SBF2: variants seen among roughly 807,000 people sequenced by gnomAD.
SBF2 encodes the protein myotubularin-related protein 13.
In SBF2, 112 loss-of-function variants were observed where a neutral mutation model predicts 225.2. The observed-to-expected ratio is 0.50, with a 90% CI of 0.43 to 0.58. SBF2 has a LOEUF of 0.58. Among genes scored for constraint, SBF2 ranks in the 20% least tolerant of loss-of-function variants. The pLI is 0.00. For missense variants in SBF2, 1,996 were observed against 2,206.2 expected (o/e 0.90, Z 1.91); for synonymous variants, 763 against 773.3 (o/e 0.99, Z 0.22).
chr11:10,136,148 C>A (rs1346634438), intron 2 of SBF2, among the ~76,000 whole-genome samples: 1 of 152,150 alleles, frequency 6.6e-6, no homozygotes, highest in Non-Finnish European at 1.5e-5. Flanking sequence ...CATCAGATCT[C>A]ATGAGACTTA....
chr11:9,981,382 G>A (rs974832657), intron 13 of SBF2, among the ~76,000 whole-genome samples: 1 of 152,140 alleles, frequency 6.6e-6, no homozygotes, highest in East Asian at 1.9e-4. Context: ...GGCATCAATC[G>A]TACCCTAAAC....
intron 2 of SBF2, among the ~76,000 whole-genome samples, chr11:10,171,996 T>C (rs1956212589): frequency 6.6e-6 from 1 of 152,202 alleles, no homozygotes; most frequent in South Asian, 2.1e-4. Context: ...TAACGTCTTC[T>C]TTTTAATCTC....
intron 2 of SBF2, among the ~76,000 whole-genome samples, chr11:10,174,199 G>A (rs907902840): frequency 4.6e-5 from 7 of 152,180 alleles, no homozygotes; most frequent in Admixed American, 2.6e-4. Context: ...GGCTTCAGAC[G>A]ATCAAAGTAC....
At chr11:10,096,669 G>A (rs979232920) in intron 2 of SBF2, among the ~76,000 whole-genome samples, 1 of 151,986 alleles carries the variant, frequency 6.6e-6, no homozygotes, top group South Asian at 2.1e-4. Context: ...TCATACAAGC[G>A]GTGTCTTTTA....
chr11:10,088,367 A>G (rs751776533), intron 2 of SBF2, among the ~76,000 whole-genome samples: 1 of 152,202 alleles, frequency 6.6e-6, no homozygotes, highest in African/African-American at 2.4e-5. Context: ...AGATGTGGCC[A>G]TTCCACAGAA....
intron 3 of SBF2, among the ~76,000 whole-genome samples, chr11:10,032,133 CA>C (rs995258277): frequency 8.5e-5 from 13 of 152,196 alleles, no homozygotes; most frequent in Non-Finnish European, 1.6e-4. Context: ...AAATCTTATA[CA>C]TATATATTTT....
rs1322323559 is a variant in SBF2 at position 10,181,530 on chromosome 11, A to G, written c.141+12372T>C. ...AAAGTATCTTTAAGAGTTAGCCAGA[A>G]TTAACTGTTTAAAAAAGTACATTTT... On this transcript the variant is annotated intron_variant, in intron 2 of 39. Coordinates refer to ENST00000256190, the MANE Select transcript of SBF2 (RefSeq NM_030962.4). Among the ~76,000 whole-genome samples the G allele has an allele frequency of 2.6e-5, 4 of 152,254 alleles. No individual in the cohort carries two copies. In the East Asian group the frequency reaches 5.8e-4, roughly 22 times the overall value.
chr11:10,219,747 A>G (rs891757019), intron 1 of SBF2, among the ~76,000 whole-genome samples: 1 of 152,204 alleles, frequency 6.6e-6, no homozygotes, highest in African/African-American at 2.4e-5. Flanking sequence ...AAATGCTGCC[A>G]GTCTCTTTGC....
intron 2 of SBF2, among the ~76,000 whole-genome samples, chr11:10,098,019 A>G (rs910114918): frequency 2.0e-5 from 3 of 152,112 alleles, no homozygotes; most frequent in African/African-American, 7.2e-5. Context: ...GGTTTCTGCT[A>G]AATGCCTCCC....
intron 16 of SBF2, chr11:9,960,445 T>C (rs972620108): frequency 1.3e-5 from 2 of 152,184 alleles, no homozygotes; most frequent in Non-Finnish European, 2.9e-5. Flanking sequence ...ATGATTCTTG[T>C]GTGTGGTGGG....
Position 9,788,998 on chromosome 11 carries a change from C to T in SBF2, c.4932+111G>A, listed in dbSNP as rs1590087021. Reference sequence around the variant, plus strand: ...AATCTGGTTTCTTCATAACCATAACCCTAGCTCAGAGTAAGGAGAGCCATG... The same window carrying T: ...AATCTGGTTTCTTCATAACCATAACTCTAGCTCAGAGTAAGGAGAGCCATG... On this transcript the variant is annotated intron_variant, in intron 35 of 39. Coordinates refer to ENST00000256190, the MANE Select transcript of SBF2 (RefSeq NM_030962.4). 3 of 895,884 alleles carry T rather than the reference C, an allele frequency of 3.3e-6. No individual in the cohort carries two copies. In the East Asian group the frequency reaches 7.6e-5, roughly 23 times the overall value. 55.5% of individuals were successfully genotyped at this position (895,884 alleles called of 1,614,324 possible).
intron 1 of SBF2, among the ~76,000 whole-genome samples, chr11:10,230,191 A>T (rs1480580816): frequency 6.6e-6 from 1 of 151,760 alleles, no homozygotes; most frequent in Admixed American, 6.6e-5. Flanking sequence ...CTTTATTTTG[A>T]GCCTATGTGT....
intron 2 of SBF2, among the ~76,000 whole-genome samples, chr11:10,150,876 G>A (rs1246095336): frequency 2.0e-5 from 3 of 151,954 alleles, no homozygotes; most frequent in African/African-American, 4.8e-5. Flanking sequence ...TGAAATGGGA[G>A]GATAAATCTT....
At chr11:10,257,664 C>CA (rs58743421) in intron 1 of SBF2, among the ~76,000 whole-genome samples, 7,043 of 39,164 alleles carry the variant, frequency 0.18, 990 homozygotes, top group Middle Eastern at 0.31. Context: ...GGCCTTGCCT[C>CA]AAAAAAAAAA....
At chr11:9,829,205 G>T in intron 28 of SBF2, 151 bp downstream of exon 28, 1 of 789,740 alleles carries the variant, frequency 1.3e-6, no homozygotes. Flanking sequence ...CTAAGTAAAA[G>T]GAGTTAAACT....
chr11:9,906,293 G>T (rs1862111959), intron 16 of SBF2, among the ~76,000 whole-genome samples: 1 of 152,072 alleles, frequency 6.6e-6, no homozygotes, highest in Non-Finnish European at 1.5e-5. Flanking sequence ...TTCACAGCAG[G>T]GCTTCATTTG....
At chr11:9,927,125 T>C (rs1020684822) in intron 16 of SBF2, among the ~76,000 whole-genome samples, 1 of 152,230 alleles carries the variant, frequency 6.6e-6, no homozygotes, top group Non-Finnish European at 1.5e-5. Context: ...GTTATATCTA[T>C]ATATTGGACA....
At chr11:10,170,467 T>A (rs931985231) in intron 2 of SBF2, among the ~76,000 whole-genome samples, 1 of 152,184 alleles carries the variant, frequency 6.6e-6, no homozygotes, top group African/African-American at 2.4e-5. Context: ...GGATTCTCTA[T>A]TCTGTTCCAT....
At chr11:10,253,968 A>G (rs1960613750) in intron 1 of SBF2, among the ~76,000 whole-genome samples, 1 of 152,240 alleles carries the variant, frequency 6.6e-6, no homozygotes, top group African/African-American at 2.4e-5. Context: ...AATAGTTATT[A>G]TCAAAAAGAT....
Sources: allele counts gnomAD v4.1 joint callset (sites outside exome capture counted in the v4.1 genomes callset), GRCh38; gene constraint gnomAD v4.1.1; transcripts MANE v1.5; gene names NCBI Gene and HGNC (gene_info 2026-07-23, HGNC 2026-07-21).